ZNF587B: variants seen among roughly 807,000 people sequenced by gnomAD.
The protein encoded by ZNF587B is zinc finger protein 587B.
In ZNF587B, 6 loss-of-function variants were observed where a neutral mutation model predicts 7.2. The observed-to-expected ratio is 0.83, with a 90% CI of 0.46 to 1.65. ZNF587B has a LOEUF of 1.65. Among genes scored for constraint, ZNF587B ranks in the 40% most tolerant of loss-of-function variants. ZNF587B has a pLI of 0.01. For synonymous variants in ZNF587B, 274 were observed against 254.3 expected (o/e 1.08, Z -0.74); for missense variants, 749 against 761.0 (o/e 0.98, Z 0.19).
At chr19:57,839,227 C>G in intron 2 of ZNF587B, 78 bp downstream of exon 2, 1 of 1,584,178 alleles carries the variant, frequency 6.3e-7, no homozygotes, top group Non-Finnish European at 8.6e-7. Context: ...AAGACTTTCT[C>G]ATGTCAGGAG....
chr19:57,831,188 A>G (rs952223947), intron 1 of ZNF587B, among the ~76,000 whole-genome samples: 30 of 152,170 alleles, frequency 2.0e-4, no homozygotes, highest in African/African-American at 7.0e-4. Context: ...CTGCCAGTGA[A>G]AGAGCCAAGA....
intron 2 of ZNF587B, among the ~76,000 whole-genome samples, chr19:57,840,135 G>GGA (rs1275876519): frequency 2.0e-4 from 29 of 146,600 alleles, no homozygotes; most frequent in Admixed American, 1.8e-3. Context: ...AGGAGGTCAT[G>GGA]GAGTCAGGGC....
In ZNF587B at chr19:57,843,762, C is replaced by T. The variant is rs528019111; in HGVS notation, c.*1186C>T. The stretch of plus-strand genomic sequence containing the variant: ...GATTACAGGTGCCTGCCACCACACC[C>T]AGGTAATTTTTGTACTTTTAGTAGA... On this transcript the variant is annotated 3_prime_UTR_variant, in exon 3 of 3. Coordinates refer to ENST00000594901, the MANE Select transcript of ZNF587B (RefSeq NM_001376223.1). Among the ~76,000 whole-genome samples, 11 of 151,902 alleles carry T rather than the reference C, an allele frequency of 7.2e-5. No individual in the cohort carries two copies. The highest frequency in any genetic ancestry group is 1.3e-4 in the Admixed American group (2 of 15,226).
Position 57,841,316 on chromosome 19 carries a change from T to C in ZNF587B, c.642T>C (p.Tyr214=), listed in dbSNP as rs758716416. The change falls in exon 3 of 3, where the codon TAT becomes TAC. Residue 214 remains tyrosine, a synonymous_variant. Transcript: ENST00000594901. The part of the protein sequence containing the change: ...VSPFQCGGAH[Y]SHGDSMKHFS... The stretch of plus-strand genomic sequence containing the variant: ...CCTTTCAGTGTGGGGGAGCTCACTA[T>C]AGCCATGGAGATTCCATGAAACATT... The C allele has an allele frequency of 8.4e-5, 136 of 1,610,482 alleles. No individual in the cohort carries two copies. Among genetic ancestry groups the C allele is most frequent in the African/African-American group, 2.9e-4 (22 of 75,004 alleles).
rs8103104 is a variant in ZNF587B at position 57,844,331 on chromosome 19, T to C, written c.*1755T>C. On this transcript the variant is annotated 3_prime_UTR_variant, in exon 3 of 3. Transcript: ENST00000594901. ...CAGCCTGGGCAATATAGTGAAATCC[T>C]GTCTCTTCTAAAAATATAAAAATTA... 128,055 of 325,562 alleles carry C rather than the reference T, an allele frequency of 0.39. 27,857 individuals are homozygous for C. Among genetic ancestry groups the C allele is most frequent in the African/African-American group, 0.64 (27,741 of 43,512 alleles). 20.2% of individuals were successfully genotyped at this position (325,562 alleles called of 1,614,324 possible). A position where few individuals can be genotyped will look rare whatever the true frequency, so the allele number is the denominator to read the frequency against.
rs1230604520 is a variant in ZNF587B at position 57,839,969 on chromosome 19, C to G, written c.163+820C>G. Reference sequence around the variant, plus strand: ...TGGCATGTGCCTGTAGTCCCAGCGACTCAGGAGGCTGAGGCAGAGAACTGC... The same window carrying G: ...TGGCATGTGCCTGTAGTCCCAGCGAGTCAGGAGGCTGAGGCAGAGAACTGC... On this transcript the variant is annotated intron_variant, in intron 2 of 2. Coordinates refer to ENST00000594901, the MANE Select transcript of ZNF587B (RefSeq NM_001376223.1). Among the ~76,000 whole-genome samples, 9 of 151,298 alleles carry G rather than the reference C, an allele frequency of 5.9e-5. No homozygotes were observed. In the South Asian group the frequency reaches 1.9e-3, roughly 32 times the overall value.
chr19:57,831,395 T>A (rs780749128), intron 1 of ZNF587B, among the ~76,000 whole-genome samples: 175 of 152,358 alleles, frequency 1.1e-3, no homozygotes, highest in Middle Eastern at 3.4e-3. Flanking sequence ...ATGCAGTCTT[T>A]ATTTTTTATT....
In ZNF587B at chr19:57,844,123, T is replaced by C. The variant is rs1835386144; in HGVS notation, c.*1547T>C. 6 of 290,272 alleles carry C rather than the reference T, an allele frequency of 2.1e-5. No homozygotes were observed. Among genetic ancestry groups the C allele is most frequent in the Non-Finnish European group, 4.1e-5 (6 of 146,048 alleles). 18.0% of individuals were successfully genotyped at this position (290,272 alleles called of 1,614,324 possible). On this transcript the variant is annotated 3_prime_UTR_variant, in exon 3 of 3. Coordinates refer to ENST00000594901, the MANE Select transcript of ZNF587B (RefSeq NM_001376223.1). ...ATTTGTTGAGTAGCCTCAGCACTTC[T>C]TGCTTTTTCATTTCTTTCTGATAAG... is the stretch of plus-strand genomic sequence containing the variant.
intron 1 of ZNF587B, among the ~76,000 whole-genome samples, chr19:57,831,795 G>A (rs1251620362): frequency 6.8e-6 from 1 of 146,796 alleles, no homozygotes; most frequent in Non-Finnish European, 1.5e-5. Flanking sequence ...ACCTCCGCCT[G>A]CCGGGTTCAA....
At chr19:57,832,302 G>C (rs1181821738) in intron 1 of ZNF587B, among the ~76,000 whole-genome samples, 2 of 151,828 alleles carry the variant, frequency 1.3e-5, no homozygotes, top group African/African-American at 4.8e-5. Flanking sequence ...GGCCAGAATG[G>C]TCTCAATCTC....
Position 57,841,246 on chromosome 19 carries a change from G to C in ZNF587B, c.572G>C (p.Ser191Thr), listed in dbSNP as rs2375151. 508 of 1,614,160 alleles carry C rather than the reference G, an allele frequency of 3.1e-4. 1 individual carries two copies. In the African/African-American group the frequency reaches 5.3e-3, roughly 17 times the overall value. ...PRSGLLQQEA[S>T]HTGEKSNSKT... The stretch of plus-strand genomic sequence containing the variant: ...TCAGGATTACTCCAGCAGGAGGCCA[G>C]TCACACTGGGGAGAAGTCAAACAGC... Residue 191 changes from serine to threonine, a missense_variant, in exon 3 of 3, where the codon AGT (serine) becomes ACT (threonine). Transcript: ENST00000594901.
chr19:57,840,772 T>C (rs996383262), intron 2 of ZNF587B, 66 bp from the exon 3 acceptor site: 75 of 1,603,410 alleles, frequency 4.7e-5, no homozygotes, highest in South Asian at 3.1e-4. Context: ...TCACATACAC[T>C]TGTGGGTGGT....
In ZNF587B at chr19:57,842,954, A is replaced by G; in HGVS notation, c.*378A>G. 7 of 985,388 alleles carry G rather than the reference A, an allele frequency of 7.1e-6. No individual in the cohort carries two copies. Among genetic ancestry groups the G allele is most frequent in the Non-Finnish European group, 8.4e-6 (7 of 829,912 alleles). 61.0% of individuals were successfully genotyped at this position (985,388 alleles called of 1,614,324 possible). A position where few individuals can be genotyped will look rare whatever the true frequency, so the allele number is the denominator to read the frequency against. The stretch of plus-strand genomic sequence containing the variant: ...GAATCCTAGAACACTGAGATGAGAA[A>G]AACACTGTAGATGTATAGGTTAGAT... On this transcript the variant is annotated 3_prime_UTR_variant, in exon 3 of 3. Transcript: ENST00000594901.
At chr19:57,833,810 T>A (rs1404731185) in intron 1 of ZNF587B, among the ~76,000 whole-genome samples, 2 of 139,048 alleles carry the variant, frequency 1.4e-5, no homozygotes, top group African/African-American at 5.1e-5. Context: ...TGGTCCAGAG[T>A]GTGTCTAGAA....
At chr19:57,834,431 CT>C (rs1988529048) in intron 1 of ZNF587B, among the ~76,000 whole-genome samples, 1 of 85,628 alleles carries the variant, frequency 1.2e-5, no homozygotes, top group Non-Finnish European at 2.4e-5. Context: ...TCTACAGCCC[CT>C]TTTAGTGCCA....
At chr19:57,836,794 T>C (rs1307980670) in intron 1 of ZNF587B, among the ~76,000 whole-genome samples, 1 of 151,950 alleles carries the variant, frequency 6.6e-6, no homozygotes, top group Non-Finnish European at 1.5e-5. Flanking sequence ...TGAAAGACCA[T>C]CTCTACTAAA....
chr19:57,842,790 C>A lies in ZNF587B; in HGVS notation c.*214C>A. ...TATTCCTTCAGGATTATATTTAACACTGAATGAAGGCCTTACTAGTGTGGC... is the reference window on the plus strand; with the variant it reads ...TATTCCTTCAGGATTATATTTAACAATGAATGAAGGCCTTACTAGTGTGGC... On this transcript the variant is annotated 3_prime_UTR_variant, in exon 3 of 3. Transcript: ENST00000594901. The A allele has an allele frequency of 2.0e-6, 2 of 985,378 alleles. No individual in the cohort carries two copies. The highest frequency in any genetic ancestry group is 2.4e-6 in the Non-Finnish European group (2 of 829,928). The allele number at this position is 985,378 out of a possible 1,614,324, so 61.0% of individuals were successfully genotyped here. A position where few individuals can be genotyped will look rare whatever the true frequency, so the allele number is the denominator to read the frequency against.
Position 57,830,547 on chromosome 19 carries a change from C to G in ZNF587B, c.19C>G (p.Leu7Val). Residue 7 changes from leucine (L) to valine (V), a missense_variant, in exon 1 of 3, where the codon CTG (leucine) becomes GTG (valine). Transcript: ENST00000594901. Reference sequence around the variant, plus strand: ...TGGTTCGATGGCGGTGGTGGCCACGCTGAGGCTCTCTGCTCAGGTAATTGT... The same window carrying G: ...TGGTTCGATGGCGGTGGTGGCCACGGTGAGGCTCTCTGCTCAGGTAATTGT... MAVVAT[L>V]RLSAQGTVTF... The G allele has an allele frequency of 6.5e-7, 1 of 1,549,792 alleles. No homozygotes were observed. Among genetic ancestry groups the G allele is most frequent in the Non-Finnish European group, 8.7e-7 (1 of 1,147,250 alleles).
At chr19:57,838,760 A>T (rs1040936302) in intron 1 of ZNF587B, among the ~76,000 whole-genome samples, 1 of 152,220 alleles carries the variant, frequency 6.6e-6, no homozygotes, top group Admixed American at 6.5e-5. Context: ...TGAAGGTGCC[A>T]CATTGGGCTT....
Sources: allele counts gnomAD v4.1 joint callset (sites outside exome capture counted in the v4.1 genomes callset), GRCh38; gene constraint gnomAD v4.1.1; transcripts MANE v1.5; gene names NCBI Gene and HGNC (gene_info 2026-07-23, HGNC 2026-07-21).